The following BEST3 variants were observed in gnomAD, a reference collection of about 807,000 sequenced individuals.
The protein encoded by BEST3 is bestrophin-3.
Under a neutral mutation model 47.1 loss-of-function variants are expected in BEST3, and 50 were observed. The ratio of observed to expected loss-of-function variants is 1.06; its 90% CI spans 0.85 to 1.34. The LOEUF is 1.34. Among genes scored for constraint, BEST3 ranks in the 40% most tolerant of loss-of-function variants. The pLI is 0.00. For missense variants in BEST3, 765 were observed against 817.0 expected, an observed-to-expected ratio of 0.94 and a Z score of 0.78; for synonymous variants, 282 against 298.8, an observed-to-expected ratio of 0.94 and a Z score of 0.58.
Position 69,672,924 on chromosome 12 carries a change from A to G in BEST3, c.909T>C (p.Asp303=), listed in dbSNP as rs1171144918. The change falls in exon 8 of 10, where the codon GAT becomes GAC. Residue 303 remains aspartate, a synonymous_variant. Transcript: ENST00000330891. ...QLINPFGEDD[D]DFETNWCIDR... is the part of the protein sequence containing the mutation. ...CAATGCACCAGTTAGTTTCAAAATCATCATCATCTTCTCCAAAAGGGTTGA... is the reference window on the plus strand; with the variant it reads ...CAATGCACCAGTTAGTTTCAAAATCGTCATCATCTTCTCCAAAAGGGTTGA... The G allele has an allele frequency of 1.2e-6, 2 of 1,613,586 alleles. No individual in the cohort carries two copies. Among genetic ancestry groups the G allele is most frequent in the Non-Finnish European group, 1.7e-6 (2 of 1,179,824 alleles).
chr12:69,672,835 G>A (rs748383890), intron 8 of BEST3, 50 bp downstream of exon 8: 11 of 1,339,428 alleles, frequency 8.2e-6, no homozygotes, highest in South Asian at 3.7e-5. Flanking sequence ...TTGAAATATC[G>A]CAAGTGATTT....
intron 9 of BEST3, among the ~76,000 whole-genome samples, chr12:69,658,370 A>G (rs1883643488): frequency 2.0e-5 from 3 of 152,198 alleles, no homozygotes; most frequent in Non-Finnish European, 4.4e-5. Context: ...CCTGGGTCAT[A>G]GATGGGGGAA....
At chr12:69,667,704 T>C (rs896669312) in intron 9 of BEST3, among the ~76,000 whole-genome samples, 2 of 152,204 alleles carry the variant, frequency 1.3e-5, no homozygotes, top group Non-Finnish European at 2.9e-5. Flanking sequence ...CCCATAAGGC[T>C]GAGCGTTTCT....
downstream of BEST3, among the ~76,000 whole-genome samples, chr12:69,653,291 G>A (rs1489941591): frequency 1.3e-5 from 2 of 152,218 alleles, no homozygotes; most frequent in Admixed American, 6.5e-5. Context: ...CTTGAGGCTG[G>A]AGAGATTTAG....
chr12:69,648,132 G>T (rs1464526200), intron 9 of BEST3, among the ~76,000 whole-genome samples: 1 of 152,172 alleles, frequency 6.6e-6, no homozygotes, highest in Non-Finnish European at 1.5e-5. Context: ...GGGATGTAGA[G>T]ATGCAAGGAC....
intron 9 of BEST3, among the ~76,000 whole-genome samples, chr12:69,647,018 A>G (rs6581898): frequency 0.43 from 64,614 of 151,996 alleles, 15,524 homozygotes; most frequent in Middle Eastern, 0.59. Context: ...TAAGGACAGA[A>G]CCAAGGAGGG....
Position 69,655,817 on chromosome 12 carries a change from A to C in BEST3, c.1101-4T>G. On this transcript the variant is annotated splice_region_variant and splice_polypyrimidine_tract_variant and intron_variant, in intron 9 of 9. Coordinates refer to ENST00000330891, the MANE Select transcript of BEST3 (RefSeq NM_032735.3). Reference sequence around the variant, plus strand: ...AGGAAAGTCGGACCCAGACAGCCTGAAACACACAATGACAAGATCCAGGCA... The same window carrying C: ...AGGAAAGTCGGACCCAGACAGCCTGCAACACACAATGACAAGATCCAGGCA... 2 of 1,600,286 alleles carry C rather than the reference A, an allele frequency of 1.2e-6. No homozygotes were observed. Among genetic ancestry groups the C allele is most frequent in the Non-Finnish European group, 1.7e-6 (2 of 1,171,222 alleles).
At chr12:69,695,488 A>C (rs1411854310) in intron 2 of BEST3, among the ~76,000 whole-genome samples, 1 of 152,162 alleles carries the variant, frequency 6.6e-6, no homozygotes, top group Non-Finnish European at 1.5e-5. Context: ...CCAGCTTTGG[A>C]AGAGGTGTTA....
At chr12:69,651,668 G>A (rs541009115), downstream of BEST3, among the ~76,000 whole-genome samples, 9 of 151,766 alleles carry the variant, frequency 5.9e-5, no homozygotes, top group Middle Eastern at 3.4e-3. Flanking sequence ...CAAGCTACTC[G>A]GGAGACTGAG....
intron 1 of BEST3, among the ~76,000 whole-genome samples, chr12:69,698,070 G>C (rs1886199871): frequency 6.6e-6 from 1 of 152,160 alleles, no homozygotes. Context: ...ATTATTTTTA[G>C]ATTATATAGC....
chr12:69,697,882 T>C (rs963121490), intron 1 of BEST3, 69 bp from the exon 2 acceptor site: 16 of 1,283,726 alleles, frequency 1.2e-5, no homozygotes, highest in Non-Finnish European at 1.6e-5. Flanking sequence ...TCTGTATGTC[T>C]GTATATCAAG....
chr12:69,693,354 C>G (rs891664975), intron 4 of BEST3, among the ~76,000 whole-genome samples: 1 of 151,362 alleles, frequency 6.6e-6, no homozygotes, highest in Non-Finnish European at 1.5e-5. Flanking sequence ...GCCTCCGCCT[C>G]CCGGGTTCAA....
At chr12:69,688,403 G>A (rs1464810286) in intron 4 of BEST3, among the ~76,000 whole-genome samples, 7 of 152,166 alleles carry the variant, frequency 4.6e-5, no homozygotes, top group African/African-American at 9.7e-5. Flanking sequence ...ACATTATTCC[G>A]AATTCCACTG....
downstream of BEST3, among the ~76,000 whole-genome samples, chr12:69,648,972 C>G (rs1883126857): frequency 6.6e-6 from 1 of 152,176 alleles, no homozygotes; most frequent in South Asian, 2.1e-4. Flanking sequence ...CTTATTGGCA[C>G]AAGTTCTTCA....
At chr12:69,651,208 G>A (rs1341043812), downstream of BEST3, among the ~76,000 whole-genome samples, 2 of 152,166 alleles carry the variant, frequency 1.3e-5, no homozygotes, top group Non-Finnish European at 2.9e-5. Flanking sequence ...TGAATCCATG[G>A]GAACATTAAT....
In BEST3 at chr12:69,697,647, C is replaced by A; in HGVS notation, c.152G>T (p.Arg51Ile). ...VLYTAISLVY[R>I]LLLTGVQKRY... ...TAAGGAGACATGTAAAGAAAAGTAC[C>A]TGTATACCAAACTTATTGCTGTATA... Residue 51 changes from arginine (R) to isoleucine (I), a missense_variant and splice_region_variant, in exon 2 of 10, where the codon AGA becomes ATA. Physicochemically the swap from Arg to Ile is moderately conservative, Grantham distance 97. Coordinates refer to ENST00000330891, the MANE Select transcript of BEST3 (RefSeq NM_032735.3). 1.3e-6 allele frequency: 2 copies of A among 1,580,068 alleles called. No individual in the cohort carries two copies. Among genetic ancestry groups the A allele is most frequent in the Non-Finnish European group, 8.6e-7 (1 of 1,164,300 alleles).
exon 10 of BEST3, chr12:69,643,765 A>G (rs1203692898): frequency 5.6e-6 from 4 of 715,784 alleles, no homozygotes; most frequent in South Asian, 1.5e-5. Context: ...TCCATCTTCC[A>G]CTCATTCTTA....
rs898612319 is a variant in BEST3 at position 69,654,550 on chromosome 12, C to T, written c.*357G>A. ...ACCCTGCGTGTCTGGGCCTTTGGGT[C>T]TAGGGGATTGGACTATGATCTATGA... On this transcript the variant is annotated 3_prime_UTR_variant, in exon 10 of 10. Coordinates refer to ENST00000330891, the MANE Select transcript of BEST3 (RefSeq NM_032735.3). 1 of 1,009,142 alleles carries T rather than the reference C, an allele frequency of 9.9e-7. No homozygotes were observed. Among genetic ancestry groups the T allele is most frequent in the Non-Finnish European group, 1.2e-6 (1 of 844,878 alleles). 62.5% of individuals were successfully genotyped at this position (1,009,142 alleles called of 1,614,324 possible). A position where few individuals can be genotyped will look rare whatever the true frequency, so the allele number is the denominator to read the frequency against.
chr12:69,657,794 A>T (rs569972577), intron 9 of BEST3, among the ~76,000 whole-genome samples: 26 of 152,312 alleles, frequency 1.7e-4, no homozygotes, highest in African/African-American at 5.8e-4. Flanking sequence ...GATGACTGAG[A>T]TGATTAACTG....
Sources: allele counts gnomAD v4.1 joint callset (sites outside exome capture counted in the v4.1 genomes callset), GRCh38; gene constraint gnomAD v4.1.1; transcripts MANE v1.5; gene names NCBI Gene and HGNC (gene_info 2026-07-23, HGNC 2026-07-21).